The following LOXHD1 variants were observed in gnomAD, a reference collection of about 807,000 sequenced individuals.
LOXHD1 encodes lipoxygenase homology domain-containing protein 1.
In LOXHD1, 205 loss-of-function variants were observed where a neutral mutation model predicts 248.2. That is an observed-to-expected ratio of 0.83 (90% CI 0.74 to 0.93). The LOEUF is 0.93. Among genes scored for constraint, LOXHD1 ranks in the 40% least tolerant of loss-of-function variants. The pLI is 0.00. For synonymous variants in LOXHD1, 1,113 were observed against 1,162.8 expected, an observed-to-expected ratio of 0.96 and a Z score of 0.87; for missense variants, 2,930 against 2,971.6, an observed-to-expected ratio of 0.99 and a Z score of 0.33.
At chr18:46,641,853 A>T (rs1013015860) in intron 3 of LOXHD1, 103 bp downstream of exon 3, 1 of 1,197,640 alleles carries the variant, frequency 8.3e-7, no homozygotes, top group African/African-American at 1.5e-5. Flanking sequence ...TAGCCCCTCA[A>T]ATAACATCTG....
intron 21 of LOXHD1, among the ~76,000 whole-genome samples, chr18:46,548,920 T>C (rs1440670368): frequency 6.6e-6 from 1 of 152,170 alleles, no homozygotes; most frequent in Non-Finnish European, 1.5e-5. Flanking sequence ...TTAAAGCCCC[T>C]CAGCATGCTC....
rs746832263 is a variant in LOXHD1 at position 46,506,036 on chromosome 18, C to G, written c.5693-13G>C. 46 of 1,551,614 alleles carry G rather than the reference C, an allele frequency of 3.0e-5. No individual in the cohort carries two copies. Among genetic ancestry groups the G allele is most frequent in the Admixed American group, 1.4e-4 (7 of 50,984 alleles). The stretch of plus-strand genomic sequence containing the variant: ...TCAGTGCCTGCTCCTGGGGGGTGCA[C>G]AAGGTGAGGCTTAGGGTGCCAGCCT... On this transcript the variant is annotated splice_polypyrimidine_tract_variant and intron_variant, in intron 36 of 40. Coordinates refer to ENST00000642948, the MANE Select transcript of LOXHD1 (RefSeq NM_001384474.1).
chr18:46,510,258 G>A (rs1415216887), intron 34 of LOXHD1, among the ~76,000 whole-genome samples: 1 of 152,192 alleles, frequency 6.6e-6, no homozygotes, highest in Non-Finnish European at 1.5e-5. Flanking sequence ...TGCATGACAG[G>A]CCCGTTGCGA....
At chr18:46,548,855 T>C (rs1466253624) in intron 21 of LOXHD1, among the ~76,000 whole-genome samples, 1 of 151,772 alleles carries the variant, frequency 6.6e-6, no homozygotes, top group African/African-American at 2.4e-5. Flanking sequence ...GCACACAGAG[T>C]CTGGATTTCC....
chr18:46,610,838 G>T lies in LOXHD1; in HGVS notation c.697C>A (p.Leu233Met), dbSNP rs951445440. 1.8e-5 allele frequency: 28 copies of T among 1,551,650 alleles called. No individual in the cohort carries two copies. The highest frequency in any genetic ancestry group is 2.7e-5 in the African/African-American group (2 of 73,054). The change falls in exon 6 of 41, where the codon CTG becomes ATG. Residue 233 changes from leucine to methionine, a missense_variant. Leu to Met is a conservative substitution (Grantham distance 15). Coordinates refer to ENST00000642948, the MANE Select transcript of LOXHD1 (RefSeq NM_001384474.1). ...FILDAPDLGQ[L>M]MKINVGHNNK... ...TTGTGGCCAACATTGATCTTCATCAGCTGCCCCAAATCCGGGGCATCCAGG... is the reference window on the plus strand; with the variant it reads ...TTGTGGCCAACATTGATCTTCATCATCTGCCCCAAATCCGGGGCATCCAGG...
intron 34 of LOXHD1, 46 bp from the exon 35 acceptor site, chr18:46,509,861 G>T: frequency 3.9e-6 from 5 of 1,282,196 alleles, no homozygotes; most frequent in South Asian, 2.5e-5. Context: ...CTGGCCATTG[G>T]GGAGGGTTGG....
chr18:46,638,873 G>T (rs1360932808), intron 4 of LOXHD1, among the ~76,000 whole-genome samples: 1 of 152,154 alleles, frequency 6.6e-6, no homozygotes, highest in Non-Finnish European at 1.5e-5. Context: ...CTGAGTGATT[G>T]TAGGAAGCCA....
At chr18:46,547,137 G>A in intron 21 of LOXHD1, 79 bp from the exon 22 acceptor site, 1 of 1,502,754 alleles carries the variant, frequency 6.7e-7, no homozygotes, top group Non-Finnish European at 9.0e-7. Flanking sequence ...CTGAGAATGA[G>A]AGGCCCTCTA....
intron 4 of LOXHD1, among the ~76,000 whole-genome samples, chr18:46,625,289 C>T (rs946817048): frequency 1.3e-5 from 2 of 152,136 alleles, no homozygotes; most frequent in East Asian, 1.9e-4. Flanking sequence ...AAACACAGTC[C>T]GTGCATTTGA....
At chr18:46,478,934 G>A (rs987134688) in intron 40 of LOXHD1, among the ~76,000 whole-genome samples, 2 of 152,136 alleles carry the variant, frequency 1.3e-5, no homozygotes, top group African/African-American at 4.8e-5. Context: ...CTGGCCTCAA[G>A]CAATTCTCCT....
chr18:46,566,209 AT>A (rs1197934672), intron 17 of LOXHD1, 47 bp downstream of exon 17: 1 of 1,509,318 alleles, frequency 6.6e-7, no homozygotes, highest in Non-Finnish European at 8.9e-7. Context: ...CCTCAGCCCC[AT>A]CCCCCATGGG....
chr18:46,631,710 G>A (rs2038825657), intron 4 of LOXHD1, among the ~76,000 whole-genome samples: 1 of 152,178 alleles, frequency 6.6e-6, no homozygotes. Context: ...TGGGAACAAG[G>A]AGCCAACTCA....
intron 38 of LOXHD1, among the ~76,000 whole-genome samples, chr18:46,485,987 C>T (rs1454858807): frequency 6.6e-6 from 1 of 152,014 alleles, no homozygotes; most frequent in African/African-American, 2.4e-5. Flanking sequence ...CTCCCCCACC[C>T]ATAGTGGCGT....
chr18:46,506,328 G>A (rs772585103), intron 36 of LOXHD1, among the ~76,000 whole-genome samples: 2 of 152,170 alleles, frequency 1.3e-5, no homozygotes, highest in East Asian at 1.9e-4. Context: ...CTTAAAAGGC[G>A]TGTCATATAG....
intron 12 of LOXHD1, among the ~76,000 whole-genome samples, chr18:46,587,244 C>T (rs560717289): frequency 4.6e-5 from 7 of 152,276 alleles, no homozygotes; most frequent in South Asian, 2.1e-4. Flanking sequence ...AATGGTCCAA[C>T]GTATCAACAG....
At chr18:46,530,169 G>A (rs2036000122) in intron 28 of LOXHD1, among the ~76,000 whole-genome samples, 1 of 152,190 alleles carries the variant, frequency 6.6e-6, no homozygotes, top group South Asian at 2.1e-4. Flanking sequence ...GGCCAAGGAA[G>A]AGGGAACTTG....
chr18:46,639,017 T>A lies in LOXHD1; in HGVS notation c.511+599A>T, dbSNP rs115577139. Among the ~76,000 whole-genome samples the A allele has an allele frequency of 6.1e-3, 922 of 152,318 alleles. 12 individuals carry two copies. Among genetic ancestry groups the A allele is most frequent in the African/African-American group, 0.021 (883 of 41,558 alleles). On this transcript the variant is annotated intron_variant, in intron 4 of 40. Coordinates refer to ENST00000642948, the MANE Select transcript of LOXHD1 (RefSeq NM_001384474.1). ...AAAGCAAATATGTTCTGTGATGGGA[T>A]GAGATGAGGCCAGAACTTTGGGGGA... is the stretch of plus-strand genomic sequence containing the variant.
At position 46,563,347 on chromosome 18, in the gene LOXHD1, A is replaced by G. The variant is rs2144037363; in HGVS notation, c.2438-122T>C. On this transcript the variant is annotated intron_variant, in intron 17 of 40. Coordinates refer to ENST00000642948, the MANE Select transcript of LOXHD1 (RefSeq NM_001384474.1). ...CCTGGCGCTTTACAGTCATTCACTT[A>G]TCTAATCCTCTCCTCAACACCCTGA... The G allele has an allele frequency of 4.1e-6, 4 of 965,198 alleles. No individual in the cohort carries two copies. The South Asian group carries it at 9.2e-5, about 22-fold the overall frequency. The allele number at this position is 965,198 out of a possible 1,614,324, so 59.8% of individuals were successfully genotyped here.
chr18:46,513,923 G>T (rs974700023), intron 34 of LOXHD1, among the ~76,000 whole-genome samples: 6 of 152,206 alleles, frequency 3.9e-5, no homozygotes, highest in Non-Finnish European at 8.8e-5. Flanking sequence ...GTGAGCAGCA[G>T]GGAGTTGGCT....
Sources: allele counts gnomAD v4.1 joint callset (sites outside exome capture counted in the v4.1 genomes callset), GRCh38; gene constraint gnomAD v4.1.1; transcripts MANE v1.5; gene names NCBI Gene and HGNC (gene_info 2026-07-23, HGNC 2026-07-21).